ANO3: variants seen among roughly 807,000 people sequenced by gnomAD.
ANO3 encodes the protein anoctamin 3.
In ANO3, 99 loss-of-function variants were observed where a neutral mutation model predicts 144.8. The observed-to-expected ratio is 0.68, with a 90% CI of 0.58 to 0.81. The LOEUF (loss-of-function observed/expected upper bound fraction) is 0.81. Among genes scored for constraint, ANO3 ranks in the 30% least tolerant of loss-of-function variants. ANO3 has a pLI of 0.00. For missense variants in ANO3, 905 were observed against 1,202.2 expected (o/e 0.75, Z 3.66); for synonymous variants, 414 against 392.6 (o/e 1.05, Z -0.64).
chr11:26,357,520 T>C (rs1855813698), intron 1 of ANO3, among the ~76,000 whole-genome samples: 1 of 152,012 alleles, frequency 6.6e-6, no homozygotes, highest in South Asian at 2.1e-4. Context: ...CTTTTCAATT[T>C]TTTCTGTTTT....
At position 26,575,923 on chromosome 11, in the gene ANO3, G is replaced by A. The variant is rs1057089692; in HGVS notation, c.1447+16144G>A. Among the ~76,000 whole-genome samples, 6 of 152,122 alleles carry A rather than the reference G, an allele frequency of 3.9e-5. No individual in the cohort carries two copies. In the East Asian group the frequency reaches 5.8e-4, roughly 15 times the overall value. ...AAAAACAAAAAAGGTAGAGGATAGC[G>A]TTGTTACAAGATGATGGAAACATTT... is the stretch of plus-strand genomic sequence containing the variant. On this transcript the variant is annotated intron_variant, in intron 14 of 26. Coordinates refer to ENST00000256737, the MANE Select transcript of ANO3 (RefSeq NM_031418.4).
intron 1 of ANO3, among the ~76,000 whole-genome samples, chr11:26,236,632 C>A (rs942075880): frequency 2.0e-5 from 3 of 151,766 alleles, no homozygotes; most frequent in African/African-American, 2.4e-5. Flanking sequence ...TCCTGGCTAA[C>A]ACAGTGAAAC....
At chr11:26,586,566 G>C (rs7945253) in intron 14 of ANO3, among the ~76,000 whole-genome samples, 28,715 of 136,214 alleles carry the variant, frequency 0.21, 3,094 homozygotes, top group East Asian at 0.35. Flanking sequence ...GCAGTGGCGC[G>C]ATCTCGGCTC....
intron 20 of ANO3, among the ~76,000 whole-genome samples, chr11:26,638,182 G>A (rs186806130): frequency 6.6e-6 from 1 of 152,038 alleles, no homozygotes; most frequent in Non-Finnish European, 1.5e-5. Context: ...CTTGAGAATG[G>A]GCTAGACTTA....
At chr11:26,200,571 C>A (rs1391673136) in intron 1 of ANO3, among the ~76,000 whole-genome samples, 2 of 152,038 alleles carry the variant, frequency 1.3e-5, no homozygotes, top group Non-Finnish European at 2.9e-5. Flanking sequence ...GGTTTATGCC[C>A]TATGTGTACT....
chr11:26,516,643 A>G (rs1861876310), intron 5 of ANO3, among the ~76,000 whole-genome samples, 184 bp from the exon 6 acceptor site: 1 of 151,914 alleles, frequency 6.6e-6, no homozygotes, highest in African/African-American at 2.4e-5. Flanking sequence ...CGATGTCATT[A>G]TTACATTTTT....
At chr11:26,572,770 C>G (rs1024807167) in intron 14 of ANO3, among the ~76,000 whole-genome samples, 1 of 152,100 alleles carries the variant, frequency 6.6e-6, no homozygotes, top group Non-Finnish European at 1.5e-5. Flanking sequence ...GAAAAATAAT[C>G]ATCATGACTG....
chr11:26,224,542 C>T (rs1852217488), intron 1 of ANO3, among the ~76,000 whole-genome samples: 1 of 152,238 alleles, frequency 6.6e-6, no homozygotes, highest in Non-Finnish European at 1.5e-5. Flanking sequence ...TCCAATAGTA[C>T]CCTTATGCCC....
intron 4 of ANO3, among the ~76,000 whole-genome samples, chr11:26,466,708 A>G (rs1013032120): frequency 2.6e-5 from 4 of 151,990 alleles, no homozygotes; most frequent in African/African-American, 9.7e-5. Flanking sequence ...TGAGACCAGA[A>G]GAGCTACCCC....
intron 17 of ANO3, among the ~76,000 whole-genome samples, chr11:26,621,586 C>T (rs947471704): frequency 6.6e-6 from 1 of 152,086 alleles, no homozygotes; most frequent in Non-Finnish European, 1.5e-5. Context: ...ACTCTCTATC[C>T]GCTCTGCCTG....
At chr11:26,567,532 C>A (rs1850638099) in intron 14 of ANO3, among the ~76,000 whole-genome samples, 2 of 151,944 alleles carry the variant, frequency 1.3e-5, no homozygotes, top group Non-Finnish European at 2.9e-5. Context: ...ATAATAATTT[C>A]TCACATGTGG....
chr11:26,228,779 G>A (rs937796755), intron 1 of ANO3, among the ~76,000 whole-genome samples: 6 of 152,148 alleles, frequency 3.9e-5, no homozygotes, highest in Non-Finnish European at 5.9e-5. Flanking sequence ...ATGAAGTACT[G>A]GCTCTCTGCA....
In ANO3 at chr11:26,474,134, T is replaced by A. The variant is rs191490201; in HGVS notation, c.432+10986T>A. ...AACTCAGAATTCTGACTGTGGTATGTTTAAAAGTGCATCAATCTAGGAATT... is the reference window on the plus strand; with the variant it reads ...AACTCAGAATTCTGACTGTGGTATGATTAAAAGTGCATCAATCTAGGAATT... On this transcript the variant is annotated intron_variant, in intron 4 of 26. Transcript: ENST00000256737. 2.0e-5 allele frequency: 20 copies of A among 980,578 alleles called. No homozygotes were observed. In the African/African-American group the frequency reaches 3.3e-4, roughly 16 times the overall value. The allele number at this position is 980,578 out of a possible 1,614,324, so 60.7% of individuals were successfully genotyped here. A position where few individuals can be genotyped will look rare whatever the true frequency, so the allele number is the denominator to read the frequency against.
chr11:26,210,626 T>A (rs542102295), intron 1 of ANO3, among the ~76,000 whole-genome samples: 137 of 152,264 alleles, frequency 9.0e-4, no homozygotes, highest in Non-Finnish European at 1.5e-3. Context: ...CATGGAATGT[T>A]TTTGCATTTG....
At chr11:26,577,769 G>A (rs1443835960) in intron 14 of ANO3, among the ~76,000 whole-genome samples, 1 of 152,156 alleles carries the variant, frequency 6.6e-6, no homozygotes, top group Non-Finnish European at 1.5e-5. Context: ...TAAACCATGG[G>A]CTTATGACAA....
intron 1 of ANO3, among the ~76,000 whole-genome samples, chr11:26,274,174 G>A (rs1853508650): frequency 6.6e-6 from 1 of 152,070 alleles, no homozygotes; most frequent in African/African-American, 2.4e-5. Flanking sequence ...AGGTGTGTAA[G>A]GAGGATAAGT....
intron 4 of ANO3, among the ~76,000 whole-genome samples, chr11:26,490,187 C>G (rs538573307): frequency 6.6e-6 from 1 of 152,132 alleles, no homozygotes; most frequent in Admixed American, 6.5e-5. Flanking sequence ...GAATAAGTCT[C>G]GTGAGATCTG....
chr11:26,650,101 G>A (rs1218057614), intron 24 of ANO3, among the ~76,000 whole-genome samples: 1 of 152,038 alleles, frequency 6.6e-6, no homozygotes, highest in East Asian at 1.9e-4. Flanking sequence ...CTAATTTCAA[G>A]CAAAGATGTG....
intron 1 of ANO3, among the ~76,000 whole-genome samples, chr11:26,323,082 G>A (rs901623467): frequency 4.0e-5 from 6 of 151,624 alleles, no homozygotes; most frequent in African/African-American, 1.5e-4. Context: ...CCCTTTGACT[G>A]CTTTCATCAA....
Sources: allele counts gnomAD v4.1 joint callset (sites outside exome capture counted in the v4.1 genomes callset), GRCh38; gene constraint gnomAD v4.1.1; transcripts MANE v1.5; gene names NCBI Gene and HGNC (gene_info 2026-07-23, HGNC 2026-07-21).